The following AACS variants were observed in gnomAD, a reference collection of about 807,000 sequenced individuals.
AACS encodes acetoacetyl-CoA synthetase, also known as acetoacetate-CoA ligase.
A neutral mutation model predicts 83.1 loss-of-function variants in AACS; 69 were observed. The observed-to-expected ratio is 0.83, with a 90% CI of 0.68 to 1.01. The LOEUF (loss-of-function observed/expected upper bound fraction) is 1.01, where lower values mean the gene tolerates loss of function less well. Ranked by LOEUF, AACS falls within the 50% of genes least tolerant of loss-of-function variation. The pLI, the probability that AACS is intolerant of heterozygous loss-of-function variation, is 0.00. For synonymous variants in AACS, 333 were observed against 343.4 expected (o/e 0.97, Z 0.33); for missense variants, 866 against 882.2 (o/e 0.98, Z 0.23).
rs575735012 is a variant in AACS, at chr12:125,130,442, A to G, written c.1549+982A>G. ...GTGGATGTAGAGAAACACTCATCAGATGACCCTGAAGAGGAGGGTAGGGCC... is the reference window on the plus strand; with the variant it reads ...GTGGATGTAGAGAAACACTCATCAGGTGACCCTGAAGAGGAGGGTAGGGCC... On this transcript the variant is annotated intron_variant, in intron 14 of 17. Transcript: ENST00000316519. This position sits in a 1 kb window ranked among gnomAD's most constrained non-coding sequence, Gnocchi z 4.9. Among the ~76,000 whole-genome samples the G allele has an allele frequency of 6.6e-6, 1 of 152,242 alleles. No individual in the cohort carries two copies. The highest frequency in any genetic ancestry group is 2.4e-5 in the African/African-American group (1 of 41,468).
At chr12:125,077,717 ATT>A (rs375700962) in intron 3 of AACS, among the ~76,000 whole-genome samples, 2 of 145,614 alleles carry the variant, frequency 1.4e-5, no homozygotes, top group Non-Finnish European at 1.5e-5. Context: ...CAAGTTGGCA[ATT>A]TTTTTTTTTT....
In AACS at chr12:125,065,549, C is replaced by T. The variant is rs1955662266; in HGVS notation, c.-36C>T. ...CGCCTCAGCCCCGGCCCCTGGTCCC[C>T]AGCCCTCGTCGCAGCCCCGGCCGCC... On this transcript the variant is annotated 5_prime_UTR_variant, in exon 1 of 18. Transcript: ENST00000316519. 1 of 1,487,766 alleles carries T rather than the reference C, an allele frequency of 6.7e-7. No homozygotes were observed. Among genetic ancestry groups the T allele is most frequent in the Middle Eastern group, 2.2e-4 (1 of 4,562 alleles). The allele number at this position is 1,487,766 out of a possible 1,614,324, so 92.2% of individuals were successfully genotyped here.
At chr12:125,131,335 C>T (rs1957326347) in intron 14 of AACS, among the ~76,000 whole-genome samples, 2 of 152,120 alleles carry the variant, frequency 1.3e-5, no homozygotes, top group Non-Finnish European at 2.9e-5. Context: ...CCTCAGCCTC[C>T]TAAGTAGCTG....
chr12:125,104,476 G>A (rs1956790630), intron 7 of AACS, among the ~76,000 whole-genome samples: 1 of 152,190 alleles, frequency 6.6e-6, no homozygotes, highest in Non-Finnish European at 1.5e-5. Flanking sequence ...CCACCTGCAG[G>A]GAGGTTGAGC....
Position 125,086,307 on chromosome 12 carries a change from A to G in AACS, c.359-23A>G, listed in dbSNP as rs755551217. The G allele has an allele frequency of 7.5e-6, 12 of 1,610,316 alleles. No homozygotes were observed. In the South Asian group the frequency reaches 7.7e-5, roughly 10 times the overall value. ...TTCTTTTTGCGGTGGTCTGTGTACA[A>G]TTTACCCTTTTTCTCTTCCCAGGGG... On this transcript the variant is annotated intron_variant, in intron 3 of 17. Coordinates refer to ENST00000316519, the MANE Select transcript of AACS (RefSeq NM_023928.5).
chr12:125,108,072 C>T (rs1427842558), intron 8 of AACS, among the ~76,000 whole-genome samples: 2 of 152,074 alleles, frequency 1.3e-5, no homozygotes, highest in African/African-American at 2.4e-5. Context: ...GTGCTGGGGG[C>T]GTTGTAAAAC....
At chr12:125,109,080 C>G (rs1264813095) in intron 8 of AACS, among the ~76,000 whole-genome samples, 1 of 152,140 alleles carries the variant, frequency 6.6e-6, no homozygotes, top group African/African-American at 2.4e-5. Flanking sequence ...TGGTACCCTT[C>G]AGCTGAATTC....
In AACS at chr12:125,114,651, G is replaced by A. The variant is rs980567989; in HGVS notation, c.996+94G>A. On this transcript the variant is annotated intron_variant, in intron 9 of 17. Transcript: ENST00000316519. ...ACACATAGTAAGGACTTCCCCAGGCGCCGGCCCGTGGCACATGGTAAGGGC... is the reference window on the plus strand; with the variant it reads ...ACACATAGTAAGGACTTCCCCAGGCACCGGCCCGTGGCACATGGTAAGGGC... The A allele has an allele frequency of 6.5e-5, 71 of 1,093,132 alleles. 2 individuals are homozygous for A. The highest frequency in any genetic ancestry group is 3.8e-4 in the African/African-American group (24 of 62,542). 67.7% of individuals were successfully genotyped at this position (1,093,132 alleles called of 1,614,324 possible).
In AACS at chr12:125,124,879, C is replaced by A. The variant is rs1957221278; in HGVS notation, c.1187-23C>A. ...TTCAGGCACTGGGTTTAGTTTTAAT[C>A]TTTTGGTGACTCTGCACCCCAGTGG... On this transcript the variant is annotated intron_variant, in intron 11 of 17. Coordinates refer to ENST00000316519, the MANE Select transcript of AACS (RefSeq NM_023928.5). 1.9e-6 allele frequency: 3 copies of A among 1,614,010 alleles called. No individual in the cohort carries two copies. In the African/African-American group the frequency reaches 4.0e-5, roughly 22 times the overall value.
intron 5 of AACS, among the ~76,000 whole-genome samples, chr12:125,092,213 C>T (rs1347567300): frequency 6.6e-6 from 1 of 152,234 alleles, no homozygotes; most frequent in Non-Finnish European, 1.5e-5. Flanking sequence ...CAGGGACCTT[C>T]AGGAGCCATG....
chr12:125,128,512 C>T (rs1957281348), intron 13 of AACS: 2 of 354,366 alleles, frequency 5.6e-6, no homozygotes, highest in Non-Finnish European at 1.0e-5. Context: ...GAGATGTGTG[C>T]TCGGGAACAG....
chr12:125,081,117 T>C lies in AACS; in HGVS notation c.358+4506T>C, dbSNP rs61518683. 5.7e-3 allele frequency among the ~76,000 whole-genome samples: 867 copies of C among 152,250 alleles called. 14 individuals are homozygous for C. Among genetic ancestry groups the C allele is most frequent in the African/African-American group, 0.02 (836 of 41,544 alleles). ...AAGCCATCCTTCCACCTCAGCCTCCTGAGTAGCTAGGGTTGCACGCGTGCG... is the reference window on the plus strand; with the variant it reads ...AAGCCATCCTTCCACCTCAGCCTCCCGAGTAGCTAGGGTTGCACGCGTGCG... On this transcript the variant is annotated intron_variant, in intron 3 of 17. Coordinates refer to ENST00000316519, the MANE Select transcript of AACS (RefSeq NM_023928.5).
chr12:125,072,650 T>C (rs1955901775), intron 1 of AACS, among the ~76,000 whole-genome samples: 1 of 152,194 alleles, frequency 6.6e-6, no homozygotes, highest in Non-Finnish European at 1.5e-5. Flanking sequence ...AAGGACTGAT[T>C]GGCTCACTGT....
At chr12:125,117,954 A>C (rs1957086084) in intron 9 of AACS, 1 of 152,164 alleles carries the variant, frequency 6.6e-6, no homozygotes, top group Non-Finnish European at 1.5e-5. Flanking sequence ...ACGGCACTCC[A>C]GCCTGCGTGA....
intron 4 of AACS, among the ~76,000 whole-genome samples, chr12:125,087,592 G>A (rs57172745): frequency 1.3e-5 from 2 of 152,312 alleles, no homozygotes; most frequent in African/African-American, 4.8e-5. Context: ...GGGGCGGGTG[G>A]CAGGAAAAGC....
intron 8 of AACS, among the ~76,000 whole-genome samples, chr12:125,111,944 T>C (rs1278660652): frequency 6.6e-6 from 1 of 152,218 alleles, no homozygotes; most frequent in Non-Finnish European, 1.5e-5. Flanking sequence ...TCTGAGAGAA[T>C]GAGGCTAATG....
chr12:125,116,871 C>T (rs1957062510), intron 9 of AACS, among the ~76,000 whole-genome samples: 1 of 146,872 alleles, frequency 6.8e-6, no homozygotes, highest in Non-Finnish European at 1.5e-5. Flanking sequence ...CTTCCCCTTC[C>T]TTTCCCTCCC....
chr12:125,138,629 A>C (rs1468963036), intron 17 of AACS: 4 of 151,930 alleles, frequency 2.6e-5, no homozygotes, highest in Non-Finnish European at 4.4e-5. Context: ...AAGGGGGAAA[A>C]CTCAGCACCT....
At chr12:125,065,807 T>C (rs552358682) in intron 1 of AACS, 90 bp downstream of exon 1, 1 of 1,392,820 alleles carries the variant, frequency 7.2e-7, no homozygotes, top group Non-Finnish European at 9.3e-7. Context: ...AGTTTCACGC[T>C]TCTGGGGCTG....
Sources: allele counts gnomAD v4.1 joint callset (sites outside exome capture counted in the v4.1 genomes callset), GRCh38; gene constraint gnomAD v4.1.1; non-coding constraint Gnocchi (gnomAD v3.1); transcripts MANE v1.5; gene names NCBI Gene and HGNC (gene_info 2026-07-23, HGNC 2026-07-21).